GRM5: variants seen among roughly 807,000 people sequenced by gnomAD.
GRM5 encodes the protein metabotropic glutamate receptor 5.
A neutral mutation model predicts 83.1 loss-of-function variants in GRM5; 19 were observed. The ratio of observed to expected loss-of-function variants is 0.23; its 90% CI spans 0.16 to 0.34. The LOEUF is 0.34. Among genes scored for constraint, GRM5 ranks in the 10% least tolerant of loss-of-function variants. The pLI is 1.00. For synonymous variants in GRM5, 675 were observed against 633.6 expected (o/e 1.07, Z -0.98); for missense variants, 1,160 against 1,588.3 (o/e 0.73, Z 4.58).
chr11:88,705,879 A>T (rs537425773), intron 3 of GRM5, among the ~76,000 whole-genome samples: 1 of 152,146 alleles, frequency 6.6e-6, no homozygotes, highest in East Asian at 1.9e-4. Context: ...TACATATATC[A>T]AACTTATTAA....
intron 3 of GRM5, among the ~76,000 whole-genome samples, chr11:88,785,708 G>C (rs1943056267): frequency 6.6e-6 from 1 of 152,036 alleles, no homozygotes; most frequent in Non-Finnish European, 1.5e-5. Context: ...ACTCTGTTGT[G>C]ACTGATGAAG....
At chr11:88,782,216 T>C (rs1400172886) in intron 3 of GRM5, among the ~76,000 whole-genome samples, 1 of 152,096 alleles carries the variant, frequency 6.6e-6, no homozygotes, top group Non-Finnish European at 1.5e-5. Flanking sequence ...ATAATTGCTG[T>C]ATTAGTCTGT....
chr11:88,854,780 A>T (rs1269482309), intron 2 of GRM5, among the ~76,000 whole-genome samples: 1 of 151,912 alleles, frequency 6.6e-6, no homozygotes, highest in Non-Finnish European at 1.5e-5. Context: ...CTGGATATAA[A>T]ATAAAATTAA....
intron 3 of GRM5, among the ~76,000 whole-genome samples, chr11:88,793,950 T>G (rs1397106165): frequency 6.6e-6 from 1 of 152,090 alleles, no homozygotes; most frequent in Non-Finnish European, 1.5e-5. Flanking sequence ...CTCAGCCTCC[T>G]GAGTAGCTGG....
At chr11:88,546,759 A>G (rs150696990) in intron 8 of GRM5, among the ~76,000 whole-genome samples, 1 of 152,114 alleles carries the variant, frequency 6.6e-6, no homozygotes, top group Non-Finnish European at 1.5e-5. Flanking sequence ...TGTAAATTCA[A>G]TGAATTTACT....
intron 3 of GRM5, among the ~76,000 whole-genome samples, chr11:88,688,589 G>C (rs1940704296): frequency 1.3e-5 from 2 of 152,100 alleles, no homozygotes; most frequent in African/African-American, 4.8e-5. Flanking sequence ...AAGGTACATA[G>C]AGAGATCTGG....
At chr11:89,014,359 G>A (rs571169067) in intron 2 of GRM5, among the ~76,000 whole-genome samples, 32 of 152,210 alleles carry the variant, frequency 2.1e-4, no homozygotes, top group African/African-American at 6.5e-4. Context: ...CAACAGTGCC[G>A]GCTCATCATA....
At chr11:88,681,419 C>G (rs565746240) in intron 3 of GRM5, among the ~76,000 whole-genome samples, 1 of 151,808 alleles carries the variant, frequency 6.6e-6, no homozygotes, top group South Asian at 2.1e-4. Context: ...CTCTTGAACC[C>G]TTTCTTTTTG....
At chr11:88,580,077 G>A (rs535573510) in intron 7 of GRM5, among the ~76,000 whole-genome samples, 211 of 152,240 alleles carry the variant, frequency 1.4e-3, no homozygotes, top group Non-Finnish European at 2.2e-3. Flanking sequence ...AAAGTTATTG[G>A]TCTTACCTAA....
At chr11:88,907,423 A>C (rs1945424073) in intron 2 of GRM5, among the ~76,000 whole-genome samples, 1 of 152,202 alleles carries the variant, frequency 6.6e-6, no homozygotes, top group Admixed American at 6.6e-5. Context: ...AGCAAGACTG[A>C]GAGAATAAGA....
chr11:89,044,168 G>A (rs1404441580), intron 2 of GRM5, among the ~76,000 whole-genome samples: 5 of 152,106 alleles, frequency 3.3e-5, no homozygotes, highest in Non-Finnish European at 7.4e-5. Flanking sequence ...TGCAGAGAGA[G>A]TTCTTACTCC....
intron 3 of GRM5, among the ~76,000 whole-genome samples, chr11:88,836,875 A>C (rs1199755182): frequency 6.6e-6 from 1 of 152,128 alleles, no homozygotes; most frequent in Non-Finnish European, 1.5e-5. Context: ...TAAAGAGCAA[A>C]TGTTTTTGAC....
chr11:88,875,057 A>G (rs1590930341), intron 2 of GRM5, among the ~76,000 whole-genome samples: 2 of 146,464 alleles, frequency 1.4e-5, no homozygotes, highest in East Asian at 2.0e-4. Context: ...TAAAATAACA[A>G]TGAAGTCTGC....
chr11:88,604,636 A>G, intron 5 of GRM5, 82 bp downstream of exon 5: 2 of 1,170,250 alleles, frequency 1.7e-6, no homozygotes, highest in Non-Finnish European at 2.5e-6. Flanking sequence ...ATTAACCACA[A>G]AGGAGAGAAA....
At chr11:88,823,309 G>A (rs1354093915) in intron 3 of GRM5, among the ~76,000 whole-genome samples, 1 of 150,880 alleles carries the variant, frequency 6.6e-6, no homozygotes, top group Non-Finnish European at 1.5e-5. Flanking sequence ...CTTCCTTTGT[G>A]GAAGCATTTC....
chr11:88,818,833 A>G (rs1181039102), intron 3 of GRM5, among the ~76,000 whole-genome samples: 1 of 152,214 alleles, frequency 6.6e-6, no homozygotes, highest in African/African-American at 2.4e-5. Context: ...GGAAATTAAA[A>G]AAAGACAGCA....
chr11:88,967,413 G>T (rs183022814), intron 2 of GRM5, among the ~76,000 whole-genome samples: 1 of 76,426 alleles, frequency 1.3e-5, no homozygotes, highest in Admixed American at 1.6e-4. Context: ...ATAATGAACA[G>T]AAATTTATTT....
intron 3 of GRM5, among the ~76,000 whole-genome samples, chr11:88,842,747 C>T (rs1343516851): frequency 1.3e-5 from 2 of 151,850 alleles, no homozygotes; most frequent in Non-Finnish European, 2.9e-5. Flanking sequence ...TCTTAGAATT[C>T]CTCTCTTAAT....
At chr11:88,626,243 A>G (rs1011425477) in intron 4 of GRM5, among the ~76,000 whole-genome samples, 2 of 152,244 alleles carry the variant, frequency 1.3e-5, no homozygotes, top group Admixed American at 6.5e-5. Flanking sequence ...TATAGTATAG[A>G]TAAGAGGTTT....
Sources: allele counts gnomAD v4.1 joint callset (sites outside exome capture counted in the v4.1 genomes callset), GRCh38; gene constraint gnomAD v4.1.1; transcripts MANE v1.5; gene names NCBI Gene and HGNC (gene_info 2026-07-23, HGNC 2026-07-21).